Variants in STK32B observed in about 807,000 individuals in gnomAD.
STK32B encodes the protein serine/threonine kinase 32B.
STK32B carries 43 observed loss-of-function variants against 52.6 expected under a neutral mutation model. That is an observed-to-expected ratio of 0.82 (90% confidence interval 0.64 to 1.05). STK32B has a LOEUF of 1.05. Among genes scored for constraint, STK32B ranks in the 50% least tolerant of loss-of-function variants. The probability of loss-of-function intolerance (pLI) is 0.00; values close to 1 mark genes in which losing one functional copy is unlikely to be tolerated. For missense variants in STK32B, 621 were observed against 534.6 expected, an observed-to-expected ratio of 1.16 and a Z score of -1.59; for synonymous variants, 238 against 204.3, an observed-to-expected ratio of 1.17 and a Z score of -1.41.
intron 4 of STK32B, among the ~76,000 whole-genome samples, chr4:5,339,502 T>C (rs747355762): frequency 6.6e-6 from 1 of 152,188 alleles, no homozygotes; most frequent in Non-Finnish European, 1.5e-5. Flanking sequence ...TGTAAGGATG[T>C]ATGGAAATGC....
intron 4 of STK32B, among the ~76,000 whole-genome samples, chr4:5,359,809 C>T (rs1734429357): frequency 1.3e-5 from 2 of 152,028 alleles, no homozygotes; most frequent in African/African-American, 4.8e-5. Context: ...GCAGCTGGAG[C>T]AACATGAATA....
At position 5,500,754 on chromosome 4, in the gene STK32B, C is replaced by CTT. The variant is rs1477689142; in HGVS notation, c.*1674_*1675dup. On this transcript the variant is annotated 3_prime_UTR_variant, in exon 12 of 12. Transcript: ENST00000282908. ...CTCGTCAGTTGACTTGTTTTGCACA[C>CTT]TTTTCTTTACTTCATGTCCCCATCA... The CTT allele has an allele frequency of 2.6e-4, 40 of 152,262 alleles. No homozygotes were observed. The highest frequency in any genetic ancestry group is 7.5e-4 in the African/African-American group (31 of 41,524). The allele number at this position is 152,262 out of a possible 1,614,324, so 9.4% of individuals were successfully genotyped here.
chr4:5,100,648 C>G (rs951493441), intron 1 of STK32B, among the ~76,000 whole-genome samples: 1 of 106,734 alleles, frequency 9.4e-6, no homozygotes, highest in African/African-American at 4.0e-5. Context: ...CTTTCTTTCT[C>G]TCTTTCTCTT....
At chr4:5,115,189 G>A (rs1714647776) in intron 1 of STK32B, among the ~76,000 whole-genome samples, 2 of 152,162 alleles carry the variant, frequency 1.3e-5, no homozygotes, top group South Asian at 4.1e-4. Context: ...TTATCCAAAT[G>A]TGATTGTCAC....
At chr4:5,044,612 A>G in the STK32B span, among the ~76,000 whole-genome samples, 5 of 152,170 alleles carry the variant, frequency 3.3e-5, no homozygotes, top group East Asian at 9.7e-4. Context: ...TATTCAAAAT[A>G]TGTTCAGGAC....
At chr4:5,039,483 C>T in the STK32B span, among the ~76,000 whole-genome samples, 2 of 152,202 alleles carry the variant, frequency 1.3e-5, no homozygotes, top group Non-Finnish European at 2.9e-5. Context: ...ATGCATGGAG[C>T]TGTCATCTCC....
intron 3 of STK32B, among the ~76,000 whole-genome samples, chr4:5,206,711 C>T (rs1722598141): frequency 6.6e-6 from 1 of 152,160 alleles, no homozygotes; most frequent in African/African-American, 2.4e-5. Flanking sequence ...AAACCCAGAT[C>T]TGTTTCTGCT....
chr4:5,460,155 G>T lies in STK32B; in HGVS notation c.836G>T (p.Ser279Ile). 1.2e-6 allele frequency: 2 copies of T among 1,614,194 alleles called. No homozygotes were observed. The highest frequency in any genetic ancestry group is 8.5e-7 in the Non-Finnish European group (1 of 1,180,040). Residue 279 changes from serine (S) to isoleucine (I), a missense_variant, in exon 9 of 12, where the codon AGC becomes ATC. Coordinates refer to ENST00000282908, the MANE Select transcript of STK32B (RefSeq NM_018401.3). The surrounding 1 kb of genome is among the most constrained non-coding windows in gnomAD (Gnocchi z 4.8). ...SRVSSLHDIQ[S>I]VPYLADMNWD... ...GTGTCCAGCCTTCATGACATACAGA[G>T]CGTGCCCTACTTGGCCGACATGAAC...
intron 3 of STK32B, among the ~76,000 whole-genome samples, chr4:5,277,730 T>C (rs1293849423): frequency 1.3e-5 from 2 of 152,210 alleles, no homozygotes; most frequent in Non-Finnish European, 2.9e-5. Flanking sequence ...GCCAGATTCT[T>C]TAAGAGCCTT....
intron 1 of STK32B, among the ~76,000 whole-genome samples, chr4:5,083,305 A>G (rs961852235): frequency 6.6e-6 from 1 of 151,974 alleles, no homozygotes; most frequent in Non-Finnish European, 1.5e-5. Context: ...TTTGGGAGAT[A>G]TTTTCATTTT....
At chr4:5,438,331 G>A (rs537927700) in intron 6 of STK32B, among the ~76,000 whole-genome samples, 2 of 152,298 alleles carry the variant, frequency 1.3e-5, no homozygotes, top group East Asian at 3.9e-4. Context: ...GCATGTACTA[G>A]GAAAGCATTA....
intron 4 of STK32B, among the ~76,000 whole-genome samples, chr4:5,338,247 A>G (rs1732836673): frequency 6.6e-6 from 1 of 152,208 alleles, no homozygotes; most frequent in Non-Finnish European, 1.5e-5. Flanking sequence ...CAAACACAGC[A>G]AAATGAAGAG....
At chr4:5,483,564 G>T (rs1355127214) in intron 11 of STK32B, among the ~76,000 whole-genome samples, 1 of 151,986 alleles carries the variant, frequency 6.6e-6, no homozygotes, top group Non-Finnish European at 1.5e-5. Flanking sequence ...ATTTTTTGAA[G>T]GTTTTTTTGT....
chr4:5,463,529 T>C (rs535440427), intron 9 of STK32B, among the ~76,000 whole-genome samples: 1 of 151,728 alleles, frequency 6.6e-6, no homozygotes, highest in African/African-American at 2.4e-5. Context: ...CCCACACACA[T>C]ATGCACACGT....
intron 5 of STK32B, among the ~76,000 whole-genome samples, chr4:5,402,211 G>A (rs1472953555): frequency 6.6e-6 from 1 of 152,248 alleles, no homozygotes; most frequent in African/African-American, 2.4e-5. Flanking sequence ...AAAGGCACAT[G>A]GCAATGGGGT....
At chr4:5,344,190 A>G (rs1733295533) in intron 4 of STK32B, among the ~76,000 whole-genome samples, 2 of 152,218 alleles carry the variant, frequency 1.3e-5, no homozygotes, top group African/African-American at 4.8e-5. Context: ...ATATGAAGCT[A>G]TAAACAGCAA....
At chr4:5,473,331 G>T (rs1365538799) in intron 11 of STK32B, among the ~76,000 whole-genome samples, 1 of 152,330 alleles carries the variant, frequency 6.6e-6, no homozygotes, top group South Asian at 2.1e-4. Context: ...GCACAAGTGG[G>T]TGGCCTTGAG....
At chr4:5,242,189 A>T (rs2108818761) in intron 3 of STK32B, among the ~76,000 whole-genome samples, 1 of 151,260 alleles carries the variant, frequency 6.6e-6, no homozygotes, top group South Asian at 2.1e-4. Flanking sequence ...TTACAGTCCC[A>T]CCAACAGTGT....
chr4:5,319,506 A>G (rs998660877), intron 3 of STK32B, among the ~76,000 whole-genome samples: 1 of 152,136 alleles, frequency 6.6e-6, no homozygotes, highest in South Asian at 2.1e-4. Flanking sequence ...ACTTCTTATC[A>G]TGACTTACAA....
Sources: gnomAD v4.1 joint callset for allele counts (sites outside exome capture counted in the v4.1 genomes callset) on GRCh38, gnomAD v4.1.1 for gene constraint, Gnocchi (gnomAD v3.1) non-coding constraint, MANE v1.5 for transcripts, NCBI Gene and HGNC (gene_info 2026-07-23, HGNC 2026-07-21) for gene names.